The following ESR1 variants were observed in gnomAD, a reference collection of about 807,000 sequenced individuals.
The protein encoded by ESR1 is estrogen receptor.
In ESR1, 12 loss-of-function variants were observed where a neutral mutation model predicts 52.7. The observed-to-expected ratio is 0.23, with a 90% CI of 0.15 to 0.37. The LOEUF (loss-of-function observed/expected upper bound fraction) is 0.37. Among genes scored for constraint, ESR1 ranks in the 10% least tolerant of loss-of-function variants. The pLI, the probability that ESR1 is intolerant of heterozygous loss-of-function variation, is 1.00. For synonymous variants in ESR1, 305 were observed against 316.8 expected, an observed-to-expected ratio of 0.96 and a Z score of 0.39; for missense variants, 584 against 779.7, an observed-to-expected ratio of 0.75 and a Z score of 2.99.
intron 4 of ESR1, among the ~76,000 whole-genome samples, chr6:151,974,766 A>G (rs926279540): frequency 3.9e-5 from 6 of 152,322 alleles, no homozygotes; most frequent in Admixed American, 3.9e-4. Context: ...ACATTTTAAG[A>G]CAAGCAATGA....
rs538837490 is a variant in ESR1 at position 151,683,705 on chromosome 6, C to CT, written n.74-18159dup. Among the ~76,000 whole-genome samples the CT allele has an allele frequency of 2.0e-3, 282 of 143,428 alleles. 1 individual carries two copies. The highest frequency in any genetic ancestry group is 3.6e-3 in the Middle Eastern group (1 of 280). The allele number at this position is 143,428 out of a possible 152,430, so 94.1% of individuals were successfully genotyped here. A position where few individuals can be genotyped will look rare whatever the true frequency, so the allele number is the denominator to read the frequency against. ...ATCAGGTTGTCATACATTTTTTTTT[C>CT]TTTTTTTTTTTGAGATAGAGTCTCA... On this transcript the variant is annotated intron_variant and non_coding_transcript_variant, in intron 1 of 2. Coordinates refer to the ESR1 transcript ENST00000473497.
intron 5 of ESR1, among the ~76,000 whole-genome samples, chr6:152,030,130 T>A (rs1422200485): frequency 6.6e-6 from 1 of 151,966 alleles, no homozygotes; most frequent in Non-Finnish European, 1.5e-5. Context: ...CTACAAGAGC[T>A]CCTGAAGGAA....
At chr6:151,829,952 A>G (rs958588489) in intron 1 of ESR1, among the ~76,000 whole-genome samples, 2 of 152,208 alleles carry the variant, frequency 1.3e-5, no homozygotes, top group Non-Finnish European at 2.9e-5. Context: ...TGACACACAG[A>G]TTCCCAAATA....
At chr6:151,943,241 A>G (rs1431152495) in intron 3 of ESR1, among the ~76,000 whole-genome samples, 1 of 151,998 alleles carries the variant, frequency 6.6e-6, no homozygotes, top group Non-Finnish European at 1.5e-5. Flanking sequence ...TTAGCCGGGC[A>G]TGGTGGCAGG....
chr6:151,766,789 C>A (rs1583192290), intron 2 of ESR1, among the ~76,000 whole-genome samples: 2 of 152,084 alleles, frequency 1.3e-5, no homozygotes, highest in Non-Finnish European at 2.9e-5. Flanking sequence ...ACTTTTCTAG[C>A]GATAGATACA....
intron 2 of ESR1, among the ~76,000 whole-genome samples, chr6:151,862,621 T>A (rs1789088311): frequency 6.6e-6 from 1 of 152,162 alleles, no homozygotes; most frequent in Admixed American, 6.6e-5. Flanking sequence ...GGAGGAGAGT[T>A]ACAAATACAT....
chr6:151,823,903 G>A (rs1042924805), intron 1 of ESR1, among the ~76,000 whole-genome samples: 6 of 152,140 alleles, frequency 3.9e-5, no homozygotes, highest in African/African-American at 1.4e-4. Flanking sequence ...CCAAGTCTTT[G>A]TTATTGTGTA....
At chr6:151,778,970 G>T (rs962489099) in intron 2 of ESR1, among the ~76,000 whole-genome samples, 2 of 151,826 alleles carry the variant, frequency 1.3e-5, no homozygotes, top group Non-Finnish European at 2.9e-5. Flanking sequence ...ATTTATTTAA[G>T]TTCCTTGTAG....
At chr6:151,773,947 T>A (rs1439913307) in intron 2 of ESR1, among the ~76,000 whole-genome samples, 2 of 152,184 alleles carry the variant, frequency 1.3e-5, no homozygotes. Flanking sequence ...TAAACACACC[T>A]GACATCCTTA....
chr6:151,944,977 G>T (rs758193369), intron 4 of ESR1, among the ~76,000 whole-genome samples: 3 of 152,062 alleles, frequency 2.0e-5, no homozygotes, highest in Non-Finnish European at 2.9e-5. Context: ...GCACTTTTTG[G>T]GGCTGAGGTG....
At chr6:151,721,191 G>C (rs1241874360) in intron 2 of ESR1, among the ~76,000 whole-genome samples, 1 of 152,214 alleles carries the variant, frequency 6.6e-6, no homozygotes, top group African/African-American at 2.4e-5. Context: ...ATGTTTATCT[G>C]AAGGACTAAT....
intron 3 of ESR1, among the ~76,000 whole-genome samples, chr6:151,883,222 C>A (rs939361739): frequency 2.0e-5 from 3 of 151,614 alleles, no homozygotes; most frequent in African/African-American, 7.3e-5. Flanking sequence ...CAGGTTCAGG[C>A]GATTCTCCTG....
chr6:151,749,357 G>A (rs1192834848), intron 2 of ESR1, among the ~76,000 whole-genome samples: 2 of 152,192 alleles, frequency 1.3e-5, no homozygotes, highest in African/African-American at 2.4e-5. Flanking sequence ...TGTGCATTGT[G>A]TAATGATGAA....
intron 4 of ESR1, among the ~76,000 whole-genome samples, chr6:152,003,941 G>A (rs2042148645): frequency 6.6e-6 from 1 of 151,908 alleles, no homozygotes; most frequent in African/African-American, 2.4e-5. Flanking sequence ...AAGGTTATGG[G>A]AAATATTTCA....
At chr6:152,017,483 TG>T (rs2043255320) in intron 5 of ESR1, among the ~76,000 whole-genome samples, 1 of 152,150 alleles carries the variant, frequency 6.6e-6, no homozygotes, top group African/African-American at 2.4e-5. Flanking sequence ...TGTGTCCATG[TG>T]TGTGTATATT....
intron 2 of ESR1, among the ~76,000 whole-genome samples, chr6:151,868,367 A>G (rs1019056384): frequency 6.6e-6 from 1 of 152,136 alleles, no homozygotes; most frequent in Non-Finnish European, 1.5e-5. Context: ...ACCTCAGGTG[A>G]TCTGCCCACC....
chr6:151,823,433 G>A (rs1048487441), intron 1 of ESR1, among the ~76,000 whole-genome samples: 4 of 151,952 alleles, frequency 2.6e-5, no homozygotes, highest in East Asian at 3.9e-4. Flanking sequence ...AATTTTTTTT[G>A]AAATGACTAT....
chr6:151,795,225 G>A (rs1776574306), intron 2 of ESR1, among the ~76,000 whole-genome samples: 1 of 151,966 alleles, frequency 6.6e-6, no homozygotes, highest in Admixed American at 6.6e-5. Flanking sequence ...GGTGGGTCAT[G>A]CCTGTAATCC....
Position 151,790,225 on chromosome 6 carries a change from G to A in ESR1, c.-70-17618G>A, listed in dbSNP as rs139215903. Among the ~76,000 whole-genome samples the A allele has an allele frequency of 1.9e-3, 287 of 152,330 alleles. 1 individual carries two copies. The highest frequency in any genetic ancestry group is 6.7e-3 in the African/African-American group (278 of 41,572). On this transcript the variant is annotated intron_variant, in intron 2 of 2. Transcript: ENST00000404742. ...AACCTGCACTGATTCTCTCTTGCAT[G>A]TGGCCCACATGAGCTCCATTTTCCT...
Sources: allele counts gnomAD v4.1 joint callset (sites outside exome capture counted in the v4.1 genomes callset), GRCh38; gene constraint gnomAD v4.1.1; transcripts MANE v1.5; gene names NCBI Gene and HGNC (gene_info 2026-07-23, HGNC 2026-07-21).